The following ZMAT4 variants were observed in gnomAD, a reference collection of about 807,000 sequenced individuals.
The protein encoded by ZMAT4 is zinc finger matrin-type protein 4.
In ZMAT4, 17 loss-of-function variants were observed where a neutral mutation model predicts 28.7. That is an observed-to-expected ratio of 0.59 (90% CI 0.41 to 0.89). The LOEUF is 0.89. Among genes scored for constraint, ZMAT4 ranks in the 40% least tolerant of loss-of-function variants. The pLI is 0.00. For synonymous variants in ZMAT4, 117 were observed against 109.2 expected, an observed-to-expected ratio of 1.07 and a Z score of -0.44; for missense variants, 240 against 283.8, an observed-to-expected ratio of 0.85 and a Z score of 1.11.
intron 5 of ZMAT4, among the ~76,000 whole-genome samples, chr8:40,647,004 C>A (rs1246855982): frequency 2.0e-5 from 3 of 152,176 alleles, no homozygotes; most frequent in East Asian, 1.9e-4. Flanking sequence ...TAAGTATATT[C>A]TTTAACCATA....
At position 40,537,924 on chromosome 8, in the gene ZMAT4, G is replaced by A. The variant is rs151264451; in HGVS notation, c.675-5686C>T. On this transcript the variant is annotated intron_variant, in intron 6 of 6. Transcript: ENST00000297737. Reference sequence around the variant, plus strand: ...CTGGCTACAGCTGAGGCAGAGCAAGGGGTCTGCAAAGTGCTAGGCTTTGGG... The same window carrying A: ...CTGGCTACAGCTGAGGCAGAGCAAGAGGTCTGCAAAGTGCTAGGCTTTGGG... Among the ~76,000 whole-genome samples, 723 of 152,158 alleles carry A rather than the reference G, an allele frequency of 4.8e-3. 11 individuals carry two copies. Among genetic ancestry groups the A allele is most frequent in the African/African-American group, 0.017 (688 of 41,502 alleles).
rs1186096139 is a variant in ZMAT4, at chr8:40,579,940, A to G, written c.674+1225T>C. ...CCGGGTGCACACGTGGCATTAGAGA[A>G]CAATCTATGGGTTTACACAGCTGTT... On this transcript the variant is annotated intron_variant, in intron 6 of 6. Transcript: ENST00000297737. Among the ~76,000 whole-genome samples, 5 of 151,904 alleles carry G rather than the reference A, an allele frequency of 3.3e-5. No homozygotes were observed. The East Asian group carries it at 9.7e-4, about 29-fold the overall frequency.
chr8:40,773,585 AT>A (rs1813473934), intron 2 of ZMAT4, among the ~76,000 whole-genome samples: 3 of 152,232 alleles, frequency 2.0e-5, no homozygotes, highest in Admixed American at 6.5e-5. Context: ...TGTTTGCAAA[AT>A]ATTTACTACA....
chr8:40,674,601 C>T, intron 5 of ZMAT4, 103 bp downstream of exon 5: 13 of 952,484 alleles, frequency 1.4e-5, no homozygotes, highest in Admixed American at 1.3e-4. Context: ...TCACTTTTTC[C>T]TTAATAATTA....
rs192231867 is a variant in ZMAT4, at chr8:40,589,358, T to C, written c.578-8097A>G. ...TACTCCTCCCACTGTGAATATTGCC[T>C]CCTATGACATGGACTAGAAGTAGAA... On this transcript the variant is annotated intron_variant, in intron 5 of 6. Transcript: ENST00000297737. Among the ~76,000 whole-genome samples, 50 of 152,258 alleles carry C rather than the reference T, an allele frequency of 3.3e-4. 1 individual carries two copies. The highest frequency in any genetic ancestry group is 2.8e-4 in the Non-Finnish European group (19 of 68,022).
At chr8:40,712,874 G>C (rs908349929) in intron 3 of ZMAT4, among the ~76,000 whole-genome samples, 2 of 151,996 alleles carry the variant, frequency 1.3e-5, no homozygotes, top group Non-Finnish European at 2.9e-5. Flanking sequence ...TAAAGAATTT[G>C]CTAATTGAAT....
chr8:40,870,214 GC>G (rs1817807576), intron 1 of ZMAT4, among the ~76,000 whole-genome samples: 1 of 152,232 alleles, frequency 6.6e-6, no homozygotes, highest in South Asian at 2.1e-4. Flanking sequence ...CAGCAAGACA[GC>G]CTTTGTTCAT....
intron 5 of ZMAT4, among the ~76,000 whole-genome samples, chr8:40,627,737 T>A (rs1806426771): frequency 6.6e-6 from 1 of 152,228 alleles, no homozygotes; most frequent in Admixed American, 6.5e-5. Context: ...AGAAGTATCT[T>A]TTTTTCTTAC....
At chr8:40,689,756 T>A (rs764109374) in intron 4 of ZMAT4, among the ~76,000 whole-genome samples, 15 of 152,000 alleles carry the variant, frequency 9.9e-5, no homozygotes, top group Non-Finnish European at 2.1e-4. Flanking sequence ...CCTGACCATG[T>A]CTCCTGTTGA....
chr8:40,634,540 T>G (rs1338178984), intron 5 of ZMAT4, among the ~76,000 whole-genome samples: 1 of 152,300 alleles, frequency 6.6e-6, no homozygotes, highest in African/African-American at 2.4e-5. Context: ...ACCCAGAAAT[T>G]TAAATGTAAG....
intron 2 of ZMAT4, among the ~76,000 whole-genome samples, chr8:40,815,365 TG>T (rs1480920590): frequency 6.6e-6 from 1 of 152,170 alleles, no homozygotes; most frequent in East Asian, 1.9e-4. Flanking sequence ...GCACCCTGTT[TG>T]GTTGCTGGAT....
At chr8:40,697,144 C>T in intron 4 of ZMAT4, 101 bp downstream of exon 4, 2 of 1,366,252 alleles carry the variant, frequency 1.5e-6, no homozygotes, top group Admixed American at 2.4e-5. Context: ...TACCATTAGG[C>T]TCTGGTTCTG....
At chr8:40,618,649 T>C (rs2118683824) in intron 5 of ZMAT4, among the ~76,000 whole-genome samples, 1 of 141,448 alleles carries the variant, frequency 7.1e-6, no homozygotes, top group South Asian at 2.3e-4. Flanking sequence ...CTACAGTTTT[T>C]CTACCACTAG....
In ZMAT4 at chr8:40,674,879, G is replaced by A. The variant is rs557061146; in HGVS notation, c.402C>T (p.Val134=). The change falls in exon 5 of 7, where the codon GTC becomes GTT. Residue 134 remains valine (V), a synonymous_variant. Coordinates refer to ENST00000297737, the MANE Select transcript of ZMAT4 (RefSeq NM_024645.3). ...AATCTCTTCTTTGATAGGGAGATGC[G>A]ACCACCGGAGCAGTGTCCATCCGTG... ...KPPRMDTAPV[V]ASPYQRRDSD... The A allele has an allele frequency of 2.0e-5, 32 of 1,613,294 alleles. No homozygotes were observed. Among genetic ancestry groups the A allele is most frequent in the South Asian group, 1.8e-4 (16 of 91,048 alleles).
intron 3 of ZMAT4, among the ~76,000 whole-genome samples, chr8:40,754,180 A>C (rs1402419665): frequency 6.6e-6 from 1 of 152,146 alleles, no homozygotes; most frequent in Non-Finnish European, 1.5e-5. Context: ...CAAAAAAAAA[A>C]AAGAAAAAAG....
At chr8:40,706,134 A>G (rs558682617) in intron 3 of ZMAT4, among the ~76,000 whole-genome samples, 1 of 152,136 alleles carries the variant, frequency 6.6e-6, no homozygotes, top group Non-Finnish European at 1.5e-5. Flanking sequence ...CTCACTGCGA[A>G]CTCAGCCTCC....
chr8:40,547,830 A>G (rs1388045146), intron 6 of ZMAT4, among the ~76,000 whole-genome samples: 1 of 152,226 alleles, frequency 6.6e-6, no homozygotes, highest in Non-Finnish European at 1.5e-5. Flanking sequence ...GGAGAGACTC[A>G]CGATGAATGA....
At chr8:40,562,704 G>C (rs1803787904) in intron 6 of ZMAT4, among the ~76,000 whole-genome samples, 2 of 151,904 alleles carry the variant, frequency 1.3e-5, no homozygotes, top group Non-Finnish European at 2.9e-5. Flanking sequence ...GGCAAACAAT[G>C]ACAACCCCTC....
At chr8:40,690,192 A>G (rs1225756653) in intron 4 of ZMAT4, among the ~76,000 whole-genome samples, 1 of 152,196 alleles carries the variant, frequency 6.6e-6, no homozygotes, top group Non-Finnish European at 1.5e-5. Flanking sequence ...GCATGGACTA[A>G]CAGGCATGGT....
Sources: gnomAD v4.1 joint callset for allele counts (sites outside exome capture counted in the v4.1 genomes callset) on GRCh38, gnomAD v4.1.1 for gene constraint, MANE v1.5 for transcripts, NCBI Gene and HGNC (gene_info 2026-07-23, HGNC 2026-07-21) for gene names.